Variants in SPATA7 observed in about 807,000 individuals in gnomAD.
The protein encoded by SPATA7 is spermatogenesis-associated protein 7.
In SPATA7, 43 loss-of-function variants were observed where a neutral mutation model predicts 51.8. The ratio of observed to expected loss-of-function variants is 0.83; its 90% CI spans 0.65 to 1.07. SPATA7 has a LOEUF of 1.07. SPATA7 is among the 50% of genes least tolerant of loss of function. The pLI, the probability that SPATA7 is intolerant of heterozygous loss-of-function variation, is 0.00. For synonymous variants in SPATA7, 230 were observed against 252.8 expected, an observed-to-expected ratio of 0.91 and a Z score of 0.86; for missense variants, 683 against 701.3, an observed-to-expected ratio of 0.97 and a Z score of 0.30.
chr14:88,426,589 A>G lies in SPATA7; in HGVS notation c.730A>G (p.Thr244Ala), dbSNP rs1595270842. ...SNKQLPFTPR[T>A]LKTEAKSFLS... is the part of the protein sequence containing the mutation. ...CAAACAATTGCCATTCACTCCTCGC[A>G]CTTTAAAAACAGAAGCAAAATCTTT... The change falls in exon 6 of 12, where the codon ACT (threonine) becomes GCT (alanine). Residue 244 changes from threonine (T) to alanine (A), a missense_variant. Physicochemically the swap from Thr to Ala is moderately conservative, Grantham distance 58. Coordinates refer to ENST00000393545, the MANE Select transcript of SPATA7 (RefSeq NM_018418.5). 3.1e-6 allele frequency: 5 copies of G among 1,614,172 alleles called. No homozygotes were observed. The highest frequency in any genetic ancestry group is 2.2e-5 in the East Asian group (1 of 44,884).
At chr14:88,451,519 C>A (rs1032853670) in intron 3 of SPATA7, among the ~76,000 whole-genome samples, 1 of 148,350 alleles carries the variant, frequency 6.7e-6, no homozygotes, top group Non-Finnish European at 1.5e-5. Flanking sequence ...CCATTCATAT[C>A]CTATATCTTT....
In SPATA7 at chr14:88,426,220, G is replaced by T. The variant is rs367578557; in HGVS notation, c.373-12G>T. ...TAATGCAGTTGATGACTGTCATATC[G>T]AATGTTCTTAGCCCTCAGGCGAACC... On this transcript the variant is annotated splice_polypyrimidine_tract_variant and intron_variant, in intron 5 of 11. Transcript: ENST00000393545. 1.3e-6 allele frequency: 2 copies of T among 1,596,186 alleles called. No individual in the cohort carries two copies. The highest frequency in any genetic ancestry group is 2.2e-5 in the East Asian group (1 of 44,678).
chr14:88,465,181 TTC>T (rs1207995215), intron 4 of SPATA7, among the ~76,000 whole-genome samples: 11 of 152,286 alleles, frequency 7.2e-5, no homozygotes, highest in African/African-American at 2.4e-4. Context: ...AATGAGGACT[TTC>T]TGGCTGGACA....
intron 4 of SPATA7, among the ~76,000 whole-genome samples, chr14:88,397,501 G>T (rs908976113): frequency 6.6e-6 from 1 of 151,984 alleles, no homozygotes; most frequent in Admixed American, 6.6e-5. Flanking sequence ...AAATTAGCTG[G>T]ATGTGGTGGC....
At chr14:88,458,433 TC>T (rs1180727044), downstream of SPATA7, among the ~76,000 whole-genome samples, 6 of 152,358 alleles carry the variant, frequency 3.9e-5, no homozygotes, top group South Asian at 8.3e-4. Context: ...AGATTCAACT[TC>T]TTCCTGGTTT....
chr14:88,458,582 AT>A (rs199840015), downstream of SPATA7, among the ~76,000 whole-genome samples: 5 of 151,804 alleles, frequency 3.3e-5, no homozygotes, highest in East Asian at 5.8e-4. Flanking sequence ...CCCCTTCATC[AT>A]TTTTTTATTG....
downstream of SPATA7, among the ~76,000 whole-genome samples, chr14:88,457,488 CTG>C (rs61676646): frequency 0.038 from 5,760 of 152,160 alleles, 353 homozygotes; most frequent in African/African-American, 0.13. Flanking sequence ...TTTGAAGCAA[CTG>C]TGAATGGGAG....
intron 1 of SPATA7, chr14:88,386,176 A>G: frequency 1.8e-6 from 1 of 566,894 alleles, no homozygotes; most frequent in South Asian, 2.5e-5. Context: ...CCCGGGCCCC[A>G]AATCAAACCC....
At position 88,416,679 on chromosome 14, in the gene SPATA7, CCATATTTTGAAA is replaced by C. The variant is rs2076486595; in HGVS notation, c.239-31_239-20del. On this transcript the variant is annotated intron_variant, in intron 4 of 11. Transcript: ENST00000393545. ...CAAAAAACCAATTTTCTATTTTGTT[CCATATTTTGAAA>C]GATTTGTTTTCCCTTTTAGATGCAG... 6.2e-7 allele frequency: 1 copy of C among 1,609,584 alleles called. No homozygotes were observed. The highest frequency in any genetic ancestry group is 1.3e-5 in the African/African-American group (1 of 74,800).
rs762950683 is a variant in SPATA7 at position 88,426,429 on chromosome 14, C to G, written c.570C>G (p.Pro190=). ...GTGTGGATTATGCAGCCTCCGGGCC[C>G]CGGAAACTGAGCTCTGGAGCCCTGT... ...PSSVDYAASG[P]RKLSSGALYG... is the part of the protein sequence containing the mutation. Residue 190 remains proline, a synonymous_variant, in exon 6 of 12, where the codon CCC becomes CCG. Transcript: ENST00000393545. The G allele has an allele frequency of 3.7e-6, 6 of 1,614,172 alleles. No homozygotes were observed. The highest frequency in any genetic ancestry group is 5.1e-6 in the Non-Finnish European group (6 of 1,180,024).
rs373722054 is a variant in SPATA7 at position 88,469,120 on chromosome 14, C to T, written c.255-727C>T. On this transcript the variant is annotated intron_variant, in intron 4 of 4. Coordinates refer to the SPATA7 transcript ENST00000556406. The surrounding 1 kb of genome is among the most constrained non-coding windows in gnomAD (Gnocchi z 4.3). Reference sequence around the variant, plus strand: ...ATAGAAAAGTACTCAAGGATCAAGGCGTATCACATTGTTGACTCAATCTTC... The same window carrying T: ...ATAGAAAAGTACTCAAGGATCAAGGTGTATCACATTGTTGACTCAATCTTC... 2.7e-5 allele frequency: 43 copies of T among 1,564,494 alleles called. No individual in the cohort carries two copies. The African/African-American group carries it at 4.8e-4, about 17-fold the overall frequency.
At chr14:88,401,312 ACTCT>A (rs776389243) in intron 4 of SPATA7, among the ~76,000 whole-genome samples, 1 of 152,182 alleles carries the variant, frequency 6.6e-6, no homozygotes, top group African/African-American at 2.4e-5. Flanking sequence ...TTCATGATAA[ACTCT>A]CTCAACAAAA....
intron 10 of SPATA7, among the ~76,000 whole-genome samples, chr14:88,436,755 T>A (rs1405698607): frequency 2.0e-5 from 3 of 152,162 alleles, no homozygotes; most frequent in Non-Finnish European, 4.4e-5. Flanking sequence ...TGGATTTGTT[T>A]CTGAGTTCTC....
At chr14:88,386,209 C>T (rs1017108449) in intron 1 of SPATA7, among the ~76,000 whole-genome samples, 2 of 152,150 alleles carry the variant, frequency 1.3e-5, no homozygotes, top group Non-Finnish European at 2.9e-5. Flanking sequence ...TGGAGACGAC[C>T]CTCAGTTTTC....
At chr14:88,430,901 T>G (rs1341255444) in intron 8 of SPATA7, among the ~76,000 whole-genome samples, 1 of 152,090 alleles carries the variant, frequency 6.6e-6, no homozygotes, top group Non-Finnish European at 1.5e-5. Context: ...CATCCCAAAT[T>G]TGAAAATCTG....
chr14:88,426,583 C>T lies in SPATA7; in HGVS notation c.724C>T (p.Pro242Ser). The change falls in exon 6 of 12, where the codon CCT becomes TCT. Residue 242 changes from proline to serine, a missense_variant. Physicochemically the swap from Pro to Ser is moderately conservative, Grantham distance 74. Coordinates refer to ENST00000393545, the MANE Select transcript of SPATA7 (RefSeq NM_018418.5). ...LFSNKQLPFT[P>S]RTLKTEAKSF... ...TTCTAACAAACAATTGCCATTCACTCCTCGCACTTTAAAAACAGAAGCAAA... is the reference window on the plus strand; with the variant it reads ...TTCTAACAAACAATTGCCATTCACTTCTCGCACTTTAAAAACAGAAGCAAA... The T allele has an allele frequency of 6.2e-7, 1 of 1,614,130 alleles. No homozygotes were observed. Among genetic ancestry groups the T allele is most frequent in the Admixed American group, 1.7e-5 (1 of 60,018 alleles).
In SPATA7 at chr14:88,437,973, G is replaced by A. The variant is rs1301293262; in HGVS notation, c.1351G>A (p.Glu451Lys). ...FEKAGNSEPN[E>K]LKNESEVTIQ... ...AAAGGCTGGGAATTCAGAACCAAAT[G>A]AATTAAAAAATGAAAGTGAAGTAAC... Residue 451 changes from glutamate (E) to lysine (K), a missense_variant, in exon 12 of 12, where the codon GAA (glutamate) becomes AAA (lysine). Transcript: ENST00000393545. The A allele has an allele frequency of 6.2e-7, 1 of 1,613,868 alleles. No homozygotes were observed. The highest frequency in any genetic ancestry group is 1.1e-5 in the South Asian group (1 of 91,046).
At chr14:88,452,531 G>C (rs570447289) in intron 3 of SPATA7, among the ~76,000 whole-genome samples, 3 of 152,050 alleles carry the variant, frequency 2.0e-5, no homozygotes, top group African/African-American at 7.2e-5. Flanking sequence ...CTGCTGTCCC[G>C]CAGAGCCTAC....
chr14:88,400,562 G>A (rs551979652), intron 4 of SPATA7, among the ~76,000 whole-genome samples: 1 of 152,180 alleles, frequency 6.6e-6, no homozygotes, highest in African/African-American at 2.4e-5. Flanking sequence ...GGCCACATGT[G>A]GTGGCTCATG....
Sources: allele counts gnomAD v4.1 joint callset (sites outside exome capture counted in the v4.1 genomes callset), GRCh38; gene constraint gnomAD v4.1.1; non-coding constraint Gnocchi (gnomAD v3.1); transcripts MANE v1.5; gene names NCBI Gene and HGNC (gene_info 2026-07-23, HGNC 2026-07-21).